SPAG16: variants seen among roughly 807,000 people sequenced by gnomAD.
SPAG16 encodes sperm-associated antigen 16 protein.
A neutral mutation model predicts 80.4 loss-of-function variants in SPAG16; 86 were observed. The ratio of observed to expected loss-of-function variants is 1.07; its 90% CI spans 0.90 to 1.28. SPAG16 has a LOEUF of 1.28. Among genes scored for constraint, SPAG16 ranks in the 50% most tolerant of loss-of-function variants. The pLI is 0.00. For synonymous variants in SPAG16, 294 were observed against 265.9 expected (o/e 1.11, Z -1.03); for missense variants, 870 against 765.3 (o/e 1.14, Z -1.61).
In SPAG16 at chr2:213,829,436, C is replaced by T. The variant is rs75626363; in HGVS notation, c.1071-33049C>T. Among the ~76,000 whole-genome samples, 830 of 152,084 alleles carry T rather than the reference C, an allele frequency of 5.5e-3. 5 individuals are homozygous for T. The highest frequency in any genetic ancestry group is 0.018 in the African/African-American group (765 of 41,414). ...CCCCTGGTAGGCCCAGAAAAGCCAT[C>T]TAAGAGTCAAGGCCTGAAATTAAGG... On this transcript the variant is annotated intron_variant, in intron 10 of 15. Transcript: ENST00000331683.
intron 12 of SPAG16, among the ~76,000 whole-genome samples, chr2:213,939,059 A>G (rs1013575263): frequency 1.3e-5 from 2 of 152,172 alleles, no homozygotes; most frequent in Admixed American, 1.3e-4. Flanking sequence ...TTTGGTCTCC[A>G]CACAATCTAG....
chr2:213,693,880 G>A (rs1206985948), intron 10 of SPAG16, among the ~76,000 whole-genome samples: 1 of 152,168 alleles, frequency 6.6e-6, no homozygotes, highest in Non-Finnish European at 1.5e-5. Context: ...TCTAAAGGAA[G>A]CAGTCACTAC....
intron 10 of SPAG16, among the ~76,000 whole-genome samples, chr2:213,496,101 G>A (rs763588387): frequency 6.6e-6 from 1 of 152,186 alleles, no homozygotes; most frequent in South Asian, 2.1e-4. Context: ...AAATTATACT[G>A]TTATAGGGGT....
chr2:213,562,401 T>G (rs2059622376), intron 10 of SPAG16, among the ~76,000 whole-genome samples: 1 of 152,214 alleles, frequency 6.6e-6, no homozygotes, highest in East Asian at 1.9e-4. Context: ...TCTCCTCTCT[T>G]AACTCCTCTT....
At chr2:213,495,494 CA>C (rs1430895683) in intron 10 of SPAG16, among the ~76,000 whole-genome samples, 1 of 152,066 alleles carries the variant, frequency 6.6e-6, no homozygotes, top group East Asian at 1.9e-4. Flanking sequence ...CTCATTCACA[CA>C]AAAAAATGTT....
At chr2:214,162,517 C>T (rs1041236291) in intron 15 of SPAG16, among the ~76,000 whole-genome samples, 1 of 152,074 alleles carries the variant, frequency 6.6e-6, no homozygotes, top group African/African-American at 2.4e-5. Flanking sequence ...GGAGATTCAA[C>T]TTTATTTCTC....
At chr2:213,817,405 G>C (rs1158623304) in intron 10 of SPAG16, among the ~76,000 whole-genome samples, 2 of 151,612 alleles carry the variant, frequency 1.3e-5, no homozygotes, top group Non-Finnish European at 2.9e-5. Flanking sequence ...AATTAGTTTA[G>C]CCACCGTGGA....
intron 15 of SPAG16, among the ~76,000 whole-genome samples, chr2:214,246,717 T>G (rs1201549777): frequency 1.3e-5 from 2 of 151,998 alleles, no homozygotes; most frequent in Non-Finnish European, 2.9e-5. Flanking sequence ...AGCCAAGTCC[T>G]TTCTGAACTC....
intron 10 of SPAG16, among the ~76,000 whole-genome samples, chr2:213,701,364 C>A (rs1414955506): frequency 2.0e-5 from 3 of 152,144 alleles, no homozygotes; most frequent in African/African-American, 7.2e-5. Flanking sequence ...ATAACAATTA[C>A]AATGTAATAA....
intron 15 of SPAG16, among the ~76,000 whole-genome samples, chr2:214,219,981 C>T (rs2058526250): frequency 6.6e-6 from 1 of 151,918 alleles, no homozygotes; most frequent in South Asian, 2.1e-4. Context: ...TCTAGAGATA[C>T]ATTACATTTT....
chr2:213,970,508 C>T (rs1055181850), intron 12 of SPAG16, among the ~76,000 whole-genome samples: 1 of 151,978 alleles, frequency 6.6e-6, no homozygotes. Flanking sequence ...CACCATGTTG[C>T]CCAGGCTGGC....
chr2:213,639,251 T>A (rs1446317612), intron 10 of SPAG16, among the ~76,000 whole-genome samples: 1 of 152,214 alleles, frequency 6.6e-6, no homozygotes, highest in Non-Finnish European at 1.5e-5. Context: ...AAGTTAGTAT[T>A]GAGATATGAG....
chr2:214,276,420 C>T (rs373138969), intron 15 of SPAG16, among the ~76,000 whole-genome samples: 93 of 152,336 alleles, frequency 6.1e-4, no homozygotes, highest in African/African-American at 1.9e-3. Context: ...CATGTTTTTA[C>T]AGTGGCTAGT....
In SPAG16 at chr2:214,050,512, C is replaced by T. The variant is rs777711240; in HGVS notation, c.1527+36435C>T. 4.1e-5 allele frequency among the ~76,000 whole-genome samples: 6 copies of T among 144,810 alleles called. No individual in the cohort carries two copies. The South Asian group carries it at 6.9e-4, about 17-fold the overall frequency. On this transcript the variant is annotated intron_variant, in intron 13 of 15. Transcript: ENST00000331683. ...GCTATATTCTTGTCCAAGAACTTAA[C>T]GTAATTCATATTACTTAAGTAATTA...
intron 10 of SPAG16, among the ~76,000 whole-genome samples, chr2:213,738,828 G>C (rs970640407): frequency 6.6e-6 from 1 of 152,160 alleles, no homozygotes; most frequent in Non-Finnish European, 1.5e-5. Context: ...CTTTAAGACA[G>C]GTTCTGTCCA....
chr2:213,507,992 T>G (rs1388965397), intron 10 of SPAG16, among the ~76,000 whole-genome samples: 1 of 152,226 alleles, frequency 6.6e-6, no homozygotes, highest in East Asian at 1.9e-4. Context: ...TGATTGATAC[T>G]TTAAGCTCAC....
chr2:213,456,197 C>A (rs2072002072), intron 9 of SPAG16, among the ~76,000 whole-genome samples: 1 of 152,176 alleles, frequency 6.6e-6, no homozygotes, highest in Non-Finnish European at 1.5e-5. Flanking sequence ...TCTCCCATTG[C>A]TAGCTGTGCT....
chr2:213,713,728 A>T (rs900916582), intron 10 of SPAG16, among the ~76,000 whole-genome samples: 4 of 152,198 alleles, frequency 2.6e-5, no homozygotes, highest in African/African-American at 9.7e-5. Context: ...ATCTATTTCA[A>T]GACAAACTGG....
chr2:214,221,966 T>C (rs2058582949), intron 15 of SPAG16, among the ~76,000 whole-genome samples: 2 of 152,078 alleles, frequency 1.3e-5, no homozygotes, highest in Non-Finnish European at 2.9e-5. Context: ...ATAGATAATA[T>C]CTGAATAATT....
Sources: gnomAD v4.1 joint callset for allele counts (sites outside exome capture counted in the v4.1 genomes callset) on GRCh38, gnomAD v4.1.1 for gene constraint, MANE v1.5 for transcripts, NCBI Gene and HGNC (gene_info 2026-07-23, HGNC 2026-07-21) for gene names.